The following GTF2IRD1 variants were observed in gnomAD, a reference collection of about 807,000 sequenced individuals.
GTF2IRD1 encodes the protein GTF2I repeat domain containing 1.
In GTF2IRD1, 26 loss-of-function variants were observed where a neutral mutation model predicts 113.2. The observed-to-expected ratio is 0.23, with a 90% confidence interval of 0.17 to 0.32. The LOEUF is 0.32. Ranked by LOEUF, GTF2IRD1 falls within the 10% of genes least tolerant of loss-of-function variation. The pLI is 1.00. For missense variants in GTF2IRD1, 864 were observed against 1,280.8 expected, an observed-to-expected ratio of 0.67 and a Z score of 4.97; for synonymous variants, 484 against 529.1, an observed-to-expected ratio of 0.91 and a Z score of 1.17.
chr7:74,542,800 A>C (rs1259813494), intron 14 of GTF2IRD1, among the ~76,000 whole-genome samples: 1 of 152,206 alleles, frequency 6.6e-6, no homozygotes, highest in East Asian at 1.9e-4. Flanking sequence ...ACACCATAGA[A>C]GCCTCCATGC....
At chr7:74,503,744 CAAAAATAATAATAATTTTA>C (rs2129919900) in intron 1 of GTF2IRD1, among the ~76,000 whole-genome samples, 1 of 152,240 alleles carries the variant, frequency 6.6e-6, no homozygotes, top group African/African-American at 2.4e-5. Context: ...GAGACTGTCT[CAAAAATAATAATAATTTTA>C]ACTTTTATTT....
rs1435196211 is a variant in GTF2IRD1 at position 74,539,896 on chromosome 7, G to A, written c.1546G>A (p.Glu516Lys). The A allele has an allele frequency of 1.2e-6, 2 of 1,612,580 alleles. No individual in the cohort carries two copies. The highest frequency in any genetic ancestry group is 1.7e-6 in the Non-Finnish European group (2 of 1,179,720). The change falls in exon 14 of 27, where the codon GAG becomes AAG. Residue 516 changes from glutamate to lysine, a missense_variant. By Grantham distance (56) the Glu-to-Lys change is moderately conservative. This residue lies in a region of GTF2IRD1 where 218 missense variants were observed against 352.6 expected (regional missense o/e 0.62). Coordinates refer to ENST00000424337, the MANE Select transcript of GTF2IRD1 (RefSeq NM_005685.4). Reference sequence around the variant, plus strand: ...GTCTTCAGACCCCTCGCCAACCTCTGAGGAAATGACAGACTCGATGCCTGG... The same window carrying A: ...GTCTTCAGACCCCTCGCCAACCTCTAAGGAAATGACAGACTCGATGCCTGG... ...VTVPDPSPTS[E>K]EMTDSMPGHL... is the part of the protein sequence containing the mutation.
chr7:74,461,110 G>C (rs1389183997), intron 1 of GTF2IRD1, among the ~76,000 whole-genome samples: 5 of 152,232 alleles, frequency 3.3e-5, no homozygotes, highest in Non-Finnish European at 7.3e-5. Flanking sequence ...TGTAGTCCAA[G>C]GGACTTGGTG....
At position 74,548,311 on chromosome 7, in the gene GTF2IRD1, A is replaced by G. The variant is rs587718941; in HGVS notation, c.1916+1025A>G. 2.0e-4 allele frequency among the ~76,000 whole-genome samples: 30 copies of G among 152,062 alleles called. No individual in the cohort carries two copies. The South Asian group carries it at 6.2e-3, about 32-fold the overall frequency. On this transcript the variant is annotated intron_variant, in intron 17 of 26. Coordinates refer to ENST00000424337, the MANE Select transcript of GTF2IRD1 (RefSeq NM_005685.4). ...GTGGTGGGTGCCTGTAGTTCCAGCT[A>G]CTCAGGAGGCTGAGGCAGGAGAATG...
chr7:74,536,812 A>T (rs1361175852), intron 11 of GTF2IRD1, among the ~76,000 whole-genome samples: 1 of 147,230 alleles, frequency 6.8e-6, no homozygotes, highest in Non-Finnish European at 1.5e-5. Flanking sequence ...TCTCAAAATA[A>T]ATACATGCCC....
intron 1 of GTF2IRD1, among the ~76,000 whole-genome samples, chr7:74,490,552 C>A (rs1009940834): frequency 4.0e-5 from 6 of 151,350 alleles, no homozygotes; most frequent in Non-Finnish European, 7.4e-5. Flanking sequence ...ACCCCCCCCC[C>A]CGCCCGCCTT....
intron 3 of GTF2IRD1, among the ~76,000 whole-genome samples, chr7:74,514,046 G>T (rs1303160928): frequency 6.6e-6 from 1 of 152,008 alleles, no homozygotes; most frequent in South Asian, 2.1e-4. Flanking sequence ...TTAAGAGAAC[G>T]GGCCGCCTGG....
At chr7:74,516,732 G>A (rs782096830) in intron 4 of GTF2IRD1, among the ~76,000 whole-genome samples, 29 of 152,142 alleles carry the variant, frequency 1.9e-4, no homozygotes, top group Non-Finnish European at 3.5e-4. Flanking sequence ...GGTTGGCTGT[G>A]CCTCTGTCGA....
intron 24 of GTF2IRD1, among the ~76,000 whole-genome samples, chr7:74,591,903 A>G (rs1554369820): frequency 6.7e-6 from 1 of 149,870 alleles, no homozygotes; most frequent in Admixed American, 6.7e-5. Flanking sequence ...TACAGGTGTG[A>G]GCCACCACAC....
chr7:74,469,100 A>G (rs1156377236), intron 1 of GTF2IRD1, among the ~76,000 whole-genome samples: 1 of 146,948 alleles, frequency 6.8e-6, no homozygotes, highest in Non-Finnish European at 1.5e-5. Context: ...AAAAAAAAAT[A>G]TGGAAGGTAT....
chr7:74,542,414 A>G (rs1798685078), intron 14 of GTF2IRD1, among the ~76,000 whole-genome samples: 1 of 152,196 alleles, frequency 6.6e-6, no homozygotes, highest in Non-Finnish European at 1.5e-5. Flanking sequence ...GCAAACAAAA[A>G]TAGGCAACAA....
intron 1 of GTF2IRD1, among the ~76,000 whole-genome samples, chr7:74,460,710 A>T (rs1388442594): frequency 6.6e-6 from 1 of 151,812 alleles, no homozygotes; most frequent in Non-Finnish European, 1.5e-5. Context: ...ATATTTAGAG[A>T]TGCTGGGAGG....
At chr7:74,580,466 C>T (rs1554365804) in intron 22 of GTF2IRD1, among the ~76,000 whole-genome samples, 1 of 152,124 alleles carries the variant, frequency 6.6e-6, no homozygotes, top group East Asian at 1.9e-4. Flanking sequence ...AGGGCTCTTG[C>T]ACTTTGCCCC....
Position 74,555,514 on chromosome 7 carries a change from G to A in GTF2IRD1, c.2023+20G>A, listed in dbSNP as rs781955228. 6.8e-6 allele frequency: 10 copies of A among 1,462,430 alleles called. No homozygotes were observed. The highest frequency in any genetic ancestry group is 9.6e-6 in the Non-Finnish European group (10 of 1,041,798). The allele number at this position is 1,462,430 out of a possible 1,614,324, so 90.6% of individuals were successfully genotyped here. A position where few individuals can be genotyped will look rare whatever the true frequency, so the allele number is the denominator to read the frequency against. ...TTCAAGGTAAGGTTGAGCTCACGGG[G>A]AGGTCTGTTGTCCCAGCACCAGGAC... On this transcript the variant is annotated intron_variant, in intron 19 of 26. Transcript: ENST00000424337. This position sits in a 1 kb window ranked among gnomAD's most constrained non-coding sequence, Gnocchi z 5.3.
Position 74,536,696 on chromosome 7 carries a change from C to T in GTF2IRD1, c.1409+421C>T, listed in dbSNP as rs1417492102. Reference sequence around the variant, plus strand: ...TGGTGCGCATGTGTAATCCCAGCTACTCGGGAGGCTGAGGCAAGAGAATGG... The same window carrying T: ...TGGTGCGCATGTGTAATCCCAGCTATTCGGGAGGCTGAGGCAAGAGAATGG... On this transcript the variant is annotated intron_variant, in intron 11 of 26. Coordinates refer to ENST00000424337, the MANE Select transcript of GTF2IRD1 (RefSeq NM_005685.4). Among the ~76,000 whole-genome samples, 5 of 152,126 alleles carry T rather than the reference C, an allele frequency of 3.3e-5. No homozygotes were observed. In the East Asian group the frequency reaches 7.8e-4, roughly 24 times the overall value.
At chr7:74,467,687 A>G (rs1450063422) in intron 1 of GTF2IRD1, among the ~76,000 whole-genome samples, 1 of 144,634 alleles carries the variant, frequency 6.9e-6, no homozygotes, top group Non-Finnish European at 1.5e-5. Context: ...TTTATTTTGT[A>G]TTTAATTTTT....
In GTF2IRD1 at chr7:74,542,344, C is replaced by T. The variant is rs587625781; in HGVS notation, c.1618+2376C>T. Among the ~76,000 whole-genome samples the T allele has an allele frequency of 1.3e-4, 20 of 151,482 alleles. No individual in the cohort carries two copies. The South Asian group carries it at 3.4e-3, about 25-fold the overall frequency. ...AACCTTGGGAGGCGGAGTTTGCAGC[C>T]GAGATCACGCCACTGCACTCCAGCC... On this transcript the variant is annotated intron_variant, in intron 14 of 26. Coordinates refer to ENST00000424337, the MANE Select transcript of GTF2IRD1 (RefSeq NM_005685.4).
At chr7:74,559,328 G>A (rs1293211293) in intron 21 of GTF2IRD1, among the ~76,000 whole-genome samples, 1 of 152,284 alleles carries the variant, frequency 6.6e-6, no homozygotes, top group African/African-American at 2.4e-5. Context: ...CCCAGCCCCC[G>A]GGAAAGGTAT....
chr7:74,455,766 C>T (rs1443377269), intron 1 of GTF2IRD1, among the ~76,000 whole-genome samples: 1 of 152,172 alleles, frequency 6.6e-6, no homozygotes, highest in African/African-American at 2.4e-5. Context: ...GGCTCAAGTC[C>T]ACACCTCGTT....
Sources: allele counts gnomAD v4.1 joint callset (sites outside exome capture counted in the v4.1 genomes callset), GRCh38; gene constraint gnomAD v4.1.1; regional missense constraint gnomAD v4.1.1; non-coding constraint Gnocchi (gnomAD v3.1); transcripts MANE v1.5; gene names NCBI Gene and HGNC (gene_info 2026-07-23, HGNC 2026-07-21).